Variants in DOCK4 observed in about 807,000 individuals in gnomAD.
DOCK4 encodes the protein dedicator of cytokinesis 4, also known as dedicator of cytokinesis protein 4.
Under a neutral mutation model 268.1 loss-of-function variants are expected in DOCK4, and 97 were observed. The ratio of observed to expected loss-of-function variants is 0.36; its 90% CI spans 0.31 to 0.43. The LOEUF (loss-of-function observed/expected upper bound fraction) is 0.43, where lower values mean the gene tolerates loss of function less well. Ranked by LOEUF, DOCK4 falls within the 20% of genes least tolerant of loss-of-function variation. The probability of loss-of-function intolerance (pLI) is 1.00; values close to 1 mark genes in which losing one functional copy is unlikely to be tolerated. For missense variants in DOCK4, 2,145 were observed against 2,455.7 expected, an observed-to-expected ratio of 0.87 and a Z score of 2.67; for synonymous variants, 954 against 887.2, an observed-to-expected ratio of 1.08 and a Z score of -1.34.
Position 112,018,143 on chromosome 7 carries a change from C to CAAAAAAAAAAAAAAAAA in DOCK4, c.38-14029_38-14013dup. Among the ~76,000 whole-genome samples the CAAAAAAAAAAAAAAAAA allele has an allele frequency of 1.1e-3, 22 of 20,640 alleles. 7 individuals are homozygous for CAAAAAAAAAAAAAAAAA. The highest frequency in any genetic ancestry group is 0.01 in the East Asian group (2 of 198). The allele number at this position is 20,640 out of a possible 152,430, so 13.5% of individuals were successfully genotyped here. ...TGGGCAACACAGCAAGACTCCAGCTCAAAAAAAAAAAAAAAAAAAAAAAAA... is the reference window on the plus strand; with the variant it reads ...TGGGCAACACAGCAAGACTCCAGCTCAAAAAAAAAAAAAAAAAAAAAAAAAAAAAAAAAAAAAAAAAA... On this transcript the variant is annotated intron_variant, in intron 1 of 52. Coordinates refer to ENST00000428084, the MANE Select transcript of DOCK4 (RefSeq NM_001363540.2).
intron 28 of DOCK4, among the ~76,000 whole-genome samples, chr7:111,810,109 T>C (rs1800983864): frequency 1.3e-5 from 2 of 152,032 alleles, no homozygotes; most frequent in South Asian, 4.2e-4. Context: ...CGTAAATAGC[T>C]CTTACAAATA....
In DOCK4 at chr7:111,867,939, G is replaced by A. The variant is rs758012114; in HGVS notation, c.2280+45C>T. On this transcript the variant is annotated intron_variant, in intron 22 of 52. Coordinates refer to ENST00000428084, the MANE Select transcript of DOCK4 (RefSeq NM_001363540.2). ...GCTGCTGTGTAAAAATAAATAAACT[G>A]CACTTATCGTTTTCTTCTATTCAGC... 6.9e-6 allele frequency: 10 copies of A among 1,452,248 alleles called. No individual in the cohort carries two copies. In the South Asian group the frequency reaches 1.3e-4, roughly 19 times the overall value. The allele number at this position is 1,452,248 out of a possible 1,614,324, so 90.0% of individuals were successfully genotyped here.
chr7:111,892,399 A>G (rs1395505324), intron 16 of DOCK4, among the ~76,000 whole-genome samples: 1 of 152,166 alleles, frequency 6.6e-6, no homozygotes, highest in African/African-American at 2.4e-5. Flanking sequence ...ACAGGGTTTC[A>G]CCATGTTGGC....
intron 1 of DOCK4, among the ~76,000 whole-genome samples, chr7:112,137,300 C>T (rs1210605926): frequency 6.6e-6 from 1 of 152,168 alleles, no homozygotes; most frequent in African/African-American, 2.4e-5. Context: ...TTCCTCCAGC[C>T]AGTCTCAGCA....
At chr7:112,064,679 C>T (rs907150572) in intron 1 of DOCK4, among the ~76,000 whole-genome samples, 8 of 111,450 alleles carry the variant, frequency 7.2e-5, no homozygotes, top group African/African-American at 4.9e-5. Flanking sequence ...CTGAACTGTG[C>T]CCCCCCTTCA....
chr7:111,823,652 A>G (rs1802181010), intron 26 of DOCK4, among the ~76,000 whole-genome samples: 1 of 152,254 alleles, frequency 6.6e-6, no homozygotes, highest in Admixed American at 6.5e-5. Flanking sequence ...AGCTCAATCT[A>G]GCTTTGATTT....
chr7:112,201,959 CAG>C (rs995034013), intron 1 of DOCK4, among the ~76,000 whole-genome samples: 3 of 152,142 alleles, frequency 2.0e-5, no homozygotes, highest in African/African-American at 7.2e-5. Context: ...CTTTCTGTGC[CAG>C]ACTTACACTT....
intron 1 of DOCK4, among the ~76,000 whole-genome samples, chr7:112,117,802 T>C (rs1435740901): frequency 6.6e-6 from 1 of 152,236 alleles, no homozygotes; most frequent in Non-Finnish European, 1.5e-5. Flanking sequence ...ATTCGTGTTA[T>C]GGCAGAACTG....
At chr7:112,047,143 A>C (rs1007286210) in intron 1 of DOCK4, among the ~76,000 whole-genome samples, 2 of 152,286 alleles carry the variant, frequency 1.3e-5, no homozygotes, top group Admixed American at 1.3e-4. Flanking sequence ...TTTGGAGAGA[A>C]AAGTTTGCCT....
Position 111,915,997 on chromosome 7 carries a change from C to T in DOCK4, c.1067-93G>A, listed in dbSNP as rs1201545828. On this transcript the variant is annotated intron_variant, in intron 12 of 52. Coordinates refer to ENST00000428084, the MANE Select transcript of DOCK4 (RefSeq NM_001363540.2). Reference sequence around the variant, plus strand: ...TGCAACAAGCCCAAATTTAGAATATCATGGTTTTAAACTAAGGGTTAATAT... The same window carrying T: ...TGCAACAAGCCCAAATTTAGAATATTATGGTTTTAAACTAAGGGTTAATAT... 6 of 1,371,648 alleles carry T rather than the reference C, an allele frequency of 4.4e-6. No individual in the cohort carries two copies. In the East Asian group the frequency reaches 1.2e-4, roughly 28 times the overall value. The allele number at this position is 1,371,648 out of a possible 1,614,324, so 85.0% of individuals were successfully genotyped here.
At chr7:111,882,549 A>C (rs1562841189) in intron 16 of DOCK4, among the ~76,000 whole-genome samples, 1 of 152,218 alleles carries the variant, frequency 6.6e-6, no homozygotes, top group South Asian at 2.1e-4. Context: ...CTGCCCTAGT[A>C]ACAGGTAGGA....
At chr7:111,925,888 C>T (rs1793576022) in intron 12 of DOCK4, among the ~76,000 whole-genome samples, 1 of 151,926 alleles carries the variant, frequency 6.6e-6, no homozygotes, top group East Asian at 1.9e-4. Flanking sequence ...GAGATCGAGA[C>T]TATCCTGGCC....
chr7:112,130,241 C>G (rs893255110), intron 1 of DOCK4, among the ~76,000 whole-genome samples: 1 of 152,196 alleles, frequency 6.6e-6, no homozygotes, highest in East Asian at 1.9e-4. Flanking sequence ...TACAGGTACC[C>G]GTTGGGGAGA....
intron 1 of DOCK4, among the ~76,000 whole-genome samples, chr7:112,056,315 G>T (rs1026722538): frequency 2.6e-5 from 4 of 152,132 alleles, no homozygotes; most frequent in Non-Finnish European, 5.9e-5. Context: ...AGGCACAGGA[G>T]AACATATTAA....
At chr7:111,914,933 C>A (rs1792460397) in intron 13 of DOCK4, among the ~76,000 whole-genome samples, 1 of 152,150 alleles carries the variant, frequency 6.6e-6, no homozygotes, top group Non-Finnish European at 1.5e-5. Flanking sequence ...ATGAACTCAT[C>A]TTTTTAACTT....
chr7:112,120,123 A>C (rs1812601772), intron 1 of DOCK4, among the ~76,000 whole-genome samples: 2 of 152,206 alleles, frequency 1.3e-5, no homozygotes, highest in Admixed American at 1.3e-4. Flanking sequence ...CTGGGATTAC[A>C]AGATTGCTCT....
chr7:111,843,632 T>A lies in DOCK4; in HGVS notation c.2736+1131A>T, dbSNP rs529223674. ...TCATAACTTGTATATATAGTAGAGC[T>A]ACTATTTTCCATAGTGGCTATACCA... On this transcript the variant is annotated intron_variant, in intron 25 of 52. Coordinates refer to ENST00000428084, the MANE Select transcript of DOCK4 (RefSeq NM_001363540.2). Among the ~76,000 whole-genome samples the A allele has an allele frequency of 3.9e-5, 6 of 152,346 alleles. No homozygotes were observed. In the East Asian group the frequency reaches 1.2e-3, roughly 29 times the overall value.
At chr7:111,802,794 AATCCATAC>A (rs1191121786) in intron 30 of DOCK4, among the ~76,000 whole-genome samples, 1 of 152,210 alleles carries the variant, frequency 6.6e-6, no homozygotes, top group African/African-American at 2.4e-5. Context: ...AGTTAAAAAA[AATCCATAC>A]ATCCATCATC....
intron 1 of DOCK4, among the ~76,000 whole-genome samples, chr7:112,177,373 A>C (rs1818627254): frequency 6.6e-6 from 1 of 152,252 alleles, no homozygotes; most frequent in Admixed American, 6.5e-5. Context: ...AGAAGCTAAT[A>C]ATGCATTTAA....
Sources: allele counts gnomAD v4.1 joint callset (sites outside exome capture counted in the v4.1 genomes callset), GRCh38; gene constraint gnomAD v4.1.1; transcripts MANE v1.5; gene names NCBI Gene and HGNC (gene_info 2026-07-23, HGNC 2026-07-21).